Variants in TJP1 observed in about 807,000 individuals in gnomAD.
TJP1 encodes tight junction protein ZO-1.
Under a neutral mutation model 194.2 loss-of-function variants are expected in TJP1, and 43 were observed. The observed-to-expected ratio is 0.22, with a 90% confidence interval of 0.17 to 0.29. The LOEUF (loss-of-function observed/expected upper bound fraction) is 0.29, where lower values mean the gene tolerates loss of function less well. TJP1 is among the 10% of genes least tolerant of loss of function. The pLI is 1.00. For synonymous variants in TJP1, 801 were observed against 779.0 expected, an observed-to-expected ratio of 1.03 and a Z score of -0.47; for missense variants, 1,971 against 2,185.7, an observed-to-expected ratio of 0.90 and a Z score of 1.96.
At chr15:29,873,436 C>T (rs912557662) in intron 2 of TJP1, among the ~76,000 whole-genome samples, 11 of 152,224 alleles carry the variant, frequency 7.2e-5, no homozygotes, top group African/African-American at 2.7e-4. Context: ...AGCTCACACT[C>T]CTGCGGTCCC....
chr15:29,967,117 G>A (rs537656146), intron 1 of TJP1, among the ~76,000 whole-genome samples: 2 of 151,566 alleles, frequency 1.3e-5, no homozygotes, highest in Non-Finnish European at 2.9e-5. Context: ...GGGTTCAAGC[G>A]ATTCTCCTGC....
chr15:29,828,125 T>C (rs2050729978), intron 2 of TJP1, among the ~76,000 whole-genome samples: 1 of 152,228 alleles, frequency 6.6e-6, no homozygotes, highest in South Asian at 2.1e-4. Flanking sequence ...TCTAGATCAC[T>C]TTCTGTATAT....
chr15:29,732,970 G>A lies in TJP1; in HGVS notation c.1736+124C>T, dbSNP rs569699746. The A allele has an allele frequency of 2.4e-6, 3 of 1,274,092 alleles. No individual in the cohort carries two copies. The East Asian group carries it at 7.3e-5, about 31-fold the overall frequency. The allele number at this position is 1,274,092 out of a possible 1,614,324, so 78.9% of individuals were successfully genotyped here. On this transcript the variant is annotated intron_variant, in intron 13 of 27. Transcript: ENST00000614355. The stretch of plus-strand genomic sequence containing the variant: ...AAGAGGAGTTTGTAAACCTAAGTCA[G>A]TTATAGATACGTTGAATACAATGAA...
At chr15:29,788,194 T>C (rs1256582760) in intron 2 of TJP1, among the ~76,000 whole-genome samples, 1 of 152,216 alleles carries the variant, frequency 6.6e-6, no homozygotes, top group African/African-American at 2.4e-5. Context: ...GTTCTTTATA[T>C]ATTCTAGAAA....
chr15:29,942,403 C>G (rs1042552017), intron 2 of TJP1, among the ~76,000 whole-genome samples: 1 of 152,198 alleles, frequency 6.6e-6, no homozygotes, highest in Non-Finnish European at 1.5e-5. Context: ...TTTGTACTTA[C>G]AACCATTTTT....
chr15:29,748,949 TGTGTGC>T (rs747936156), intron 8 of TJP1, among the ~76,000 whole-genome samples: 92 of 31,318 alleles, frequency 2.9e-3, no homozygotes, highest in Admixed American at 6.9e-3. Flanking sequence ...TGTGTGTGTG[TGTGTGC>T]GCGTGTGTGC....
intron 15 of TJP1, 34 bp downstream of exon 15, chr15:29,732,399 C>A (rs2043724176): frequency 1.3e-6 from 2 of 1,576,882 alleles, no homozygotes; most frequent in East Asian, 4.5e-5. Flanking sequence ...GTGTAACTCC[C>A]AACCTCATTT....
chr15:29,782,397 TACGACCATCTGATCTTCG>T (rs1193630528), intron 2 of TJP1, among the ~76,000 whole-genome samples: 2 of 152,040 alleles, frequency 1.3e-5, no homozygotes, highest in Non-Finnish European at 2.9e-5. Flanking sequence ...AGGCCACACA[TACGACCATCTGATCTTCG>T]ACAAAGCTGA....
At chr15:29,918,694 G>A (rs2054264098) in intron 2 of TJP1, among the ~76,000 whole-genome samples, 1 of 152,028 alleles carries the variant, frequency 6.6e-6, no homozygotes, top group South Asian at 2.1e-4. Flanking sequence ...AGCTGAGATT[G>A]TGCCACTGCA....
intron 2 of TJP1, among the ~76,000 whole-genome samples, chr15:29,925,732 C>T (rs1719353): frequency 0.19 from 28,997 of 152,118 alleles, 2,879 homozygotes; most frequent in East Asian, 0.35. Flanking sequence ...GACAGGTAGA[C>T]CTTCCATTTT....
At chr15:29,753,469 G>C (rs571336341) in intron 8 of TJP1, among the ~76,000 whole-genome samples, 92 of 114,026 alleles carry the variant, frequency 8.1e-4, no homozygotes, top group Admixed American at 2.8e-3. Context: ...GGGAGACAGA[G>C]CAAGACTCTG....
At chr15:29,760,336 A>G (rs2045920368) in intron 8 of TJP1, 1 of 691,970 alleles carries the variant, frequency 1.4e-6, no homozygotes, top group Non-Finnish European at 2.6e-6. Context: ...CAGGTAGGTC[A>G]TATACTACCA....
intron 23 of TJP1, among the ~76,000 whole-genome samples, chr15:29,711,731 C>G (rs1645905701): frequency 6.6e-6 from 1 of 152,174 alleles, no homozygotes; most frequent in South Asian, 2.1e-4. Context: ...AAACAGATGT[C>G]ACAGACTAGG....
Position 29,809,387 on chromosome 15 carries a change from T to C in TJP1, c.28-8685A>G, listed in dbSNP as rs538421077. 5.8e-4 allele frequency among the ~76,000 whole-genome samples: 88 copies of C among 152,310 alleles called. 1 individual carries two copies. Among genetic ancestry groups the C allele is most frequent in the African/African-American group, 1.4e-3 (59 of 41,566 alleles). On this transcript the variant is annotated intron_variant, in intron 1 of 27. Transcript: ENST00000614355. ...AGGAAGCAAATACCAAAATTCATACTGTTAAAATTTCTACAAATAATCCTG... is the reference window on the plus strand; with the variant it reads ...AGGAAGCAAATACCAAAATTCATACCGTTAAAATTTCTACAAATAATCCTG...
intron 11 of TJP1, 26 bp downstream of exon 11, chr15:29,737,238 C>T (rs1308232230): frequency 6.2e-7 from 1 of 1,608,206 alleles, no homozygotes; most frequent in African/African-American, 1.3e-5. Context: ...ACTTTTTAAC[C>T]CACATAAGTT....
chr15:29,720,512 G>A lies in TJP1; in HGVS notation c.2609C>T (p.Pro870Leu), dbSNP rs200214265. 2.4e-5 allele frequency: 39 copies of A among 1,613,916 alleles called. No individual in the cohort carries two copies. Among genetic ancestry groups the A allele is most frequent in the Middle Eastern group, 1.6e-4 (1 of 6,084 alleles). Residue 870 changes from proline to leucine, a missense_variant, in exon 19 of 28, where the codon CCG (proline) becomes CTG (leucine). Around this residue, in one of 5 missense-constraint regions of TJP1, gnomAD observed 1,108 missense variants for 1,128.5 expected, o/e 0.98. Coordinates refer to ENST00000614355, the MANE Select transcript of TJP1 (RefSeq NM_001330239.4). ...AGAGGACCGTGTAATGGCAGACTCC[G>A]GTGGAGTCCCAACCTCATCATTAAG... ...ETLNDEVGTPPESAITRSSEP... is the reference protein window; with the variant it reads ...ETLNDEVGTPLESAITRSSEP...
chr15:29,783,774 C>A (rs2047524194), intron 2 of TJP1, among the ~76,000 whole-genome samples: 1 of 152,144 alleles, frequency 6.6e-6, no homozygotes, highest in Non-Finnish European at 1.5e-5. Flanking sequence ...CACATGGACA[C>A]AGAGGCAACA....
chr15:29,743,931 A>G (rs932999736), intron 8 of TJP1, among the ~76,000 whole-genome samples: 24 of 152,232 alleles, frequency 1.6e-4, no homozygotes, highest in Admixed American at 6.5e-5. Flanking sequence ...CTGTATTCCC[A>G]GCATTTTGGG....
At chr15:29,831,374 A>G (rs2050832656) in intron 2 of TJP1, among the ~76,000 whole-genome samples, 2 of 152,348 alleles carry the variant, frequency 1.3e-5, no homozygotes, top group East Asian at 3.9e-4. Context: ...TATGCCTCCC[A>G]TGTGAGGCAA....
Sources: allele counts gnomAD v4.1 joint callset (sites outside exome capture counted in the v4.1 genomes callset), GRCh38; gene constraint gnomAD v4.1.1; regional missense constraint gnomAD v4.1.1; transcripts MANE v1.5; gene names NCBI Gene and HGNC (gene_info 2026-07-23, HGNC 2026-07-21).